The following ACAA2 variants were observed in gnomAD, a reference collection of about 807,000 sequenced individuals.
ACAA2 encodes the protein acetyl-CoA acyltransferase 2, also known as 3-ketoacyl-CoA thiolase, mitochondrial.
A neutral mutation model predicts 44.8 loss-of-function variants in ACAA2; 35 were observed. That is an observed-to-expected ratio of 0.78 (90% CI 0.60 to 1.04). The LOEUF (loss-of-function observed/expected upper bound fraction) is 1.04. Among genes scored for constraint, ACAA2 ranks in the 50% least tolerant of loss-of-function variants. ACAA2 has a pLI of 0.00. For missense variants in ACAA2, 468 were observed against 482.6 expected, an observed-to-expected ratio of 0.97 and a Z score of 0.28; for synonymous variants, 142 against 166.5, an observed-to-expected ratio of 0.85 and a Z score of 1.13.
At chr18:49,807,215 C>A (rs749307329) in intron 1 of ACAA2, among the ~76,000 whole-genome samples, 1 of 151,918 alleles carries the variant, frequency 6.6e-6, no homozygotes, top group Admixed American at 6.6e-5. Context: ...GGCAACATAG[C>A]GAGATCCCCA....
At chr18:49,785,166 A>C in intron 9 of ACAA2, 31 bp downstream of exon 9, 1 of 1,599,588 alleles carries the variant, frequency 6.3e-7, no homozygotes, top group South Asian at 1.1e-5. Context: ...AAAAACAGCA[A>C]ATCTGAAATG....
chr18:49,810,693 G>C (rs969062373), intron 1 of ACAA2, among the ~76,000 whole-genome samples: 1 of 151,174 alleles, frequency 6.6e-6, no homozygotes, highest in African/African-American at 2.4e-5. Flanking sequence ...GGTTTTTTTT[G>C]TTTGTTTGTT....
chr18:49,787,819 T>C (rs2023351700), intron 7 of ACAA2, among the ~76,000 whole-genome samples: 1 of 152,264 alleles, frequency 6.6e-6, no homozygotes, highest in South Asian at 2.1e-4. Flanking sequence ...AGATTATAAT[T>C]GATATCAAAG....
At chr18:49,809,991 A>T (rs2023651194) in intron 1 of ACAA2, among the ~76,000 whole-genome samples, 1 of 152,250 alleles carries the variant, frequency 6.6e-6, no homozygotes, top group Non-Finnish European at 1.5e-5. Flanking sequence ...AATACTCCGT[A>T]CTTTCTGCTC....
chr18:49,800,046 C>T (rs1232997376), intron 2 of ACAA2, among the ~76,000 whole-genome samples: 2 of 151,124 alleles, frequency 1.3e-5, no homozygotes, highest in East Asian at 4.0e-4. Context: ...AAGTGAGGAG[C>T]GTCTCCGCCC....
At chr18:49,794,451 G>C in intron 4 of ACAA2, 24 bp from the exon 5 acceptor site, 1 of 1,517,086 alleles carries the variant, frequency 6.6e-7, no homozygotes, top group Non-Finnish European at 8.8e-7. Context: ...TTAATAAAGT[G>C]ACTTGTTAAG....
chr18:49,797,535 C>T lies in ACAA2; in HGVS notation c.243G>A (p.Lys81=). The T allele has an allele frequency of 1.2e-6, 2 of 1,612,234 alleles. No homozygotes were observed. The highest frequency in any genetic ancestry group is 1.7e-6 in the Non-Finnish European group (2 of 1,179,530). The stretch of plus-strand genomic sequence containing the variant: ...TATTAATCGTGAGAGCTGGGGTCTC[C>T]TTTGGGATTCCCACACGCAAACCAA... ...RHVGLRVGIP[K]ETPALTINRL... is the part of the protein sequence containing the mutation. The change falls in exon 3 of 10, where the codon AAG becomes AAA. Residue 81 remains lysine (K), a synonymous_variant. Coordinates refer to ENST00000285093, the MANE Select transcript of ACAA2 (RefSeq NM_006111.3).
At chr18:49,787,464 G>T in intron 7 of ACAA2, 103 bp from the exon 8 acceptor site, 1 of 843,662 alleles carries the variant, frequency 1.2e-6, no homozygotes, top group Non-Finnish European at 1.7e-6. Flanking sequence ...GAAATAATGC[G>T]GCAGTTATTA....
intron 4 of ACAA2, among the ~76,000 whole-genome samples, chr18:49,795,374 A>C (rs549723402): frequency 6.6e-6 from 1 of 152,284 alleles, no homozygotes; most frequent in African/African-American, 2.4e-5. Context: ...CCCAGAAATA[A>C]AACTTCTATA....
Position 49,792,306 on chromosome 18 carries a change from T to C in ACAA2, c.599A>G (p.Asn200Ser), listed in dbSNP as rs1297996044. The stretch of plus-strand genomic sequence containing the variant: ...CACTTCAATTGGTGCCATTTCATCA[T>C]TAAAGTAGCCAGCATCATTAGCTGA... ...WKAANDAGYF[N>S]DEMAPIEVKT... The change falls in exon 6 of 10, where the codon AAT (asparagine) becomes AGT (serine). Residue 200 changes from asparagine to serine, a missense_variant. By Grantham distance (46) the Asn-to-Ser change is conservative (BLOSUM62 1). Coordinates refer to ENST00000285093, the MANE Select transcript of ACAA2 (RefSeq NM_006111.3). The C allele has an allele frequency of 1.2e-6, 2 of 1,613,724 alleles. No homozygotes were observed. Among genetic ancestry groups the C allele is most frequent in the Non-Finnish European group, 8.5e-7 (1 of 1,179,910 alleles).
intron 9 of ACAA2, 115 bp from the exon 10 acceptor site, chr18:49,784,046 T>A: frequency 1.2e-6 from 1 of 800,304 alleles, no homozygotes. Flanking sequence ...CTGCTCAATC[T>A]TTTCCCCAGT....
In ACAA2 at chr18:49,782,531, G is replaced by C. The variant is rs2023278038; in HGVS notation, c.*1316C>G. 7.1e-6 allele frequency: 1 copy of C among 140,782 alleles called. No individual in the cohort carries two copies. The highest frequency in any genetic ancestry group is 1.5e-5 in the Non-Finnish European group (1 of 66,118). 8.7% of individuals were successfully genotyped at this position (140,782 alleles called of 1,614,324 possible). Reference sequence around the variant, plus strand: ...CCACTGCAATTCTGCCTGGGTGACAGAGCAAGATGCTATCTCAAAAAAAAA... The same window carrying C: ...CCACTGCAATTCTGCCTGGGTGACACAGCAAGATGCTATCTCAAAAAAAAA... On this transcript the variant is annotated 3_prime_UTR_variant, in exon 10 of 10. Coordinates refer to ENST00000285093, the MANE Select transcript of ACAA2 (RefSeq NM_006111.3).
chr18:49,787,366 A>ATAATAATAAAAATCTTCT lies in ACAA2; in HGVS notation c.884-23_884-6dup. 1 of 1,408,972 alleles carries ATAATAATAAAAATCTTCT rather than the reference A, an allele frequency of 7.1e-7. No homozygotes were observed. The highest frequency in any genetic ancestry group is 9.3e-7 in the Non-Finnish European group (1 of 1,077,738). The allele number at this position is 1,408,972 out of a possible 1,614,324, so 87.3% of individuals were successfully genotyped here. A position where few individuals can be genotyped will look rare whatever the true frequency, so the allele number is the denominator to read the frequency against. On this transcript the variant is annotated splice_polypyrimidine_tract_variant and splice_region_variant and intron_variant, in intron 7 of 9. Coordinates refer to ENST00000285093, the MANE Select transcript of ACAA2 (RefSeq NM_006111.3). ...CACTGATAGCAGGGACAGGACCTAT[A>ATAATAATAAAAATCTTCT]TAATAATAAAAATCTTCTATAAAAA...
At chr18:49,796,059 C>A (rs2023461503) in intron 3 of ACAA2, among the ~76,000 whole-genome samples, 178 bp from the exon 4 acceptor site, 1 of 152,126 alleles carries the variant, frequency 6.6e-6, no homozygotes, top group African/African-American at 2.4e-5. Flanking sequence ...GTATCCATTA[C>A]CAAGATGTAG....
rs961617791 is a variant in ACAA2, at chr18:49,783,585, A to C, written c.*262T>G. On this transcript the variant is annotated 3_prime_UTR_variant, in exon 10 of 10. Coordinates refer to ENST00000285093, the MANE Select transcript of ACAA2 (RefSeq NM_006111.3). ...GTGGTGGTTACTTGGCAAGAATACG[A>C]TTTCTTTTAATGTCTTCTATAGTTG... The C allele has an allele frequency of 3.0e-6, 1 of 330,634 alleles. No individual in the cohort carries two copies. The highest frequency in any genetic ancestry group is 5.6e-6 in the Non-Finnish European group (1 of 177,580). 20.5% of individuals were successfully genotyped at this position (330,634 alleles called of 1,614,324 possible).
intron 1 of ACAA2, among the ~76,000 whole-genome samples, chr18:49,809,761 G>C (rs1164103372): frequency 6.6e-6 from 1 of 152,204 alleles, no homozygotes; most frequent in Non-Finnish European, 1.5e-5. Context: ...GTTTAGGGTG[G>C]TGAAATTAAT....
At chr18:49,798,024 C>T (rs989302257) in intron 2 of ACAA2, among the ~76,000 whole-genome samples, 13 of 152,072 alleles carry the variant, frequency 8.5e-5, no homozygotes, top group South Asian at 4.1e-4. Context: ...AAATGGAATA[C>T]GCTATCCTAA....
intron 7 of ACAA2, among the ~76,000 whole-genome samples, chr18:49,790,114 G>GT (rs2023380916): frequency 6.6e-6 from 1 of 152,176 alleles, no homozygotes; most frequent in Non-Finnish European, 1.5e-5. Flanking sequence ...ACATACGGAT[G>GT]TTTAATTTTT....
At chr18:49,789,175 G>A (rs1044606579) in intron 7 of ACAA2, among the ~76,000 whole-genome samples, 1 of 152,082 alleles carries the variant, frequency 6.6e-6, no homozygotes. Context: ...TTCAAGTCAT[G>A]GCTTTCCCCG....
Sources: gnomAD v4.1 joint callset for allele counts (sites outside exome capture counted in the v4.1 genomes callset) on GRCh38, gnomAD v4.1.1 for gene constraint, MANE v1.5 for transcripts, NCBI Gene and HGNC (gene_info 2026-07-23, HGNC 2026-07-21) for gene names.